The following RAB27B variants were observed in gnomAD, a reference collection of about 807,000 sequenced individuals.
RAB27B encodes RAB27B, member RAS oncogene family.
RAB27B carries 15 observed loss-of-function variants against 24.6 expected under a neutral mutation model. The ratio of observed to expected loss-of-function variants is 0.61; its 90% confidence interval spans 0.41 to 0.94. The LOEUF (loss-of-function observed/expected upper bound fraction) is 0.94. Ranked by LOEUF, RAB27B falls within the 40% of genes least tolerant of loss-of-function variation. The probability of loss-of-function intolerance (pLI) is 0.00; values close to 1 mark genes in which losing one functional copy is unlikely to be tolerated. For synonymous variants in RAB27B, 105 were observed against 92.5 expected (o/e 1.14, Z -0.78); for missense variants, 261 against 266.8 (o/e 0.98, Z 0.15).
At chr18:54,887,848 C>G in intron 4 of RAB27B, 147 bp from the exon 5 acceptor site, 1 of 817,638 alleles carries the variant, frequency 1.2e-6, no homozygotes, top group Non-Finnish European at 1.9e-6. Flanking sequence ...CACATTGTGA[C>G]TGGGAAGAGG....
intron 2 of RAB27B, among the ~76,000 whole-genome samples, chr18:54,792,231 T>A (rs1467920134): frequency 6.6e-6 from 1 of 152,150 alleles, no homozygotes; most frequent in Non-Finnish European, 1.5e-5. Context: ...ATAGCCTGCC[T>A]GTCTGTGTGC....
chr18:54,738,088 A>G (rs1202924426), intron 2 of RAB27B, among the ~76,000 whole-genome samples: 1 of 152,178 alleles, frequency 6.6e-6, no homozygotes, highest in Non-Finnish European at 1.5e-5. Context: ...TGTAAGAGAG[A>G]AGAGCCTACG....
At chr18:54,874,153 T>C (rs1056943677) in intron 1 of RAB27B, among the ~76,000 whole-genome samples, 1 of 152,172 alleles carries the variant, frequency 6.6e-6, no homozygotes, top group Non-Finnish European at 1.5e-5. Context: ...CAAGTGGTAA[T>C]AGTCTCATTC....
chr18:54,728,902 C>CA (rs1568044214), intron 2 of RAB27B, among the ~76,000 whole-genome samples: 898 of 40,374 alleles, frequency 0.022, 2 homozygotes, highest in Non-Finnish European at 0.025. Flanking sequence ...AAAAAAAAAC[C>CA]CAAAAAAAAA....
intron 4 of RAB27B, among the ~76,000 whole-genome samples, 187 bp from the exon 5 acceptor site, chr18:54,887,808 G>A (rs1298195025): frequency 6.6e-6 from 1 of 152,132 alleles, no homozygotes; most frequent in Admixed American, 6.6e-5. Context: ...TCTGAAATTT[G>A]TAAGGTGTTA....
At chr18:54,756,697 G>A (rs1270779411) in intron 2 of RAB27B, among the ~76,000 whole-genome samples, 1 of 152,110 alleles carries the variant, frequency 6.6e-6, no homozygotes, top group Non-Finnish European at 1.5e-5. Flanking sequence ...GTTTACCTTA[G>A]TACTGTACCA....
chr18:54,728,875 CAA>C (rs56161105), intron 2 of RAB27B, among the ~76,000 whole-genome samples: 4 of 36,668 alleles, frequency 1.1e-4, no homozygotes, highest in Non-Finnish European at 1.7e-4. Context: ...GACTCTGTCT[CAA>C]AAAAAAAAAA....
At chr18:54,867,442 C>CTTTTCTTTTTTTT (rs1555666326) in intron 1 of RAB27B, among the ~76,000 whole-genome samples, 1 of 98,750 alleles carries the variant, frequency 1.0e-5, no homozygotes, top group East Asian at 2.9e-4. Flanking sequence ...CTTTTCTTTT[C>CTTTTCTTTTTTTT]TTTTTTTTTT....
intron 2 of RAB27B, chr18:54,745,174 G>T (rs553847002): frequency 3.2e-4 from 53 of 168,072 alleles, no homozygotes; most frequent in Non-Finnish European, 6.5e-4. Flanking sequence ...CCATTGCTCT[G>T]GGTCACACAG....
intron 2 of RAB27B, among the ~76,000 whole-genome samples, chr18:54,815,621 T>C (rs950893393): frequency 6.6e-6 from 1 of 152,214 alleles, no homozygotes; most frequent in Non-Finnish European, 1.5e-5. Flanking sequence ...CCTCACTCCC[T>C]TATAGAAACT....
intron 2 of RAB27B, among the ~76,000 whole-genome samples, chr18:54,754,915 G>A (rs1907954274): frequency 6.6e-6 from 1 of 152,118 alleles, no homozygotes; most frequent in Non-Finnish European, 1.5e-5. Flanking sequence ...AGGTGGAGTT[G>A]ATTTTAAAAT....
At chr18:54,816,512 A>G (rs1356014777) in intron 2 of RAB27B, among the ~76,000 whole-genome samples, 1 of 152,248 alleles carries the variant, frequency 6.6e-6, no homozygotes, top group Non-Finnish European at 1.5e-5. Flanking sequence ...TAATAACAAA[A>G]TGAATGGTTT....
intron 2 of RAB27B, among the ~76,000 whole-genome samples, chr18:54,793,783 C>T (rs908946215): frequency 1.3e-5 from 2 of 152,212 alleles, no homozygotes; most frequent in East Asian, 1.9e-4. Context: ...TGGTGATACA[C>T]GCCTGCAGTC....
chr18:54,723,003 A>G (rs1909408790), intron 2 of RAB27B, among the ~76,000 whole-genome samples: 1 of 152,250 alleles, frequency 6.6e-6, no homozygotes, highest in African/African-American at 2.4e-5. Flanking sequence ...CTGGCATAGA[A>G]AAGAGGCATG....
chr18:54,838,785 G>A (rs1910994271), intron 1 of RAB27B, among the ~76,000 whole-genome samples: 1 of 151,824 alleles, frequency 6.6e-6, no homozygotes, highest in South Asian at 2.1e-4. Flanking sequence ...ACAATCTTGT[G>A]GTCTTTAATT....
At chr18:54,722,648 C>A (rs116209500) in intron 2 of RAB27B, among the ~76,000 whole-genome samples, 2 of 152,150 alleles carry the variant, frequency 1.3e-5, no homozygotes, top group Non-Finnish European at 2.9e-5. Context: ...TTCATTGATA[C>A]TTGGAGAATT....
chr18:54,841,146 T>G lies in RAB27B; in HGVS notation c.-20+12446T>G, dbSNP rs1056692692. Among the ~76,000 whole-genome samples the G allele has an allele frequency of 2.0e-3, 11 of 5,430 alleles. No homozygotes were observed. The Admixed American group carries it at 0.024, about 12-fold the overall frequency. The allele number at this position is 5,430 out of a possible 152,430, so 3.6% of individuals were successfully genotyped here. The stretch of plus-strand genomic sequence containing the variant: ...TGGGTAACAGAGAAAGACTCTGTCT[T>G]TGGGTGGCGGGGCGGTGGGGGGTTT... On this transcript the variant is annotated intron_variant, in intron 1 of 5. Coordinates refer to ENST00000262094, the MANE Select transcript of RAB27B (RefSeq NM_004163.4).
intron 1 of RAB27B, among the ~76,000 whole-genome samples, chr18:54,829,075 CAG>C (rs539957137): frequency 9.2e-4 from 140 of 152,322 alleles, no homozygotes; most frequent in African/African-American, 3.3e-3. Context: ...ATGATGTGCT[CAG>C]AGTTTCATTC....
At chr18:54,755,801 G>A (rs1907987297) in intron 2 of RAB27B, among the ~76,000 whole-genome samples, 1 of 152,190 alleles carries the variant, frequency 6.6e-6, no homozygotes, top group Non-Finnish European at 1.5e-5. Context: ...AGTTCCATCA[G>A]TCAAATGAAT....
Sources: allele counts gnomAD v4.1 joint callset (sites outside exome capture counted in the v4.1 genomes callset), GRCh38; gene constraint gnomAD v4.1.1; transcripts MANE v1.5; gene names NCBI Gene and HGNC (gene_info 2026-07-23, HGNC 2026-07-21).